The following IGSF10 variants were observed in gnomAD, a reference collection of about 807,000 sequenced individuals.
IGSF10 encodes the protein calvaria mechanical force protein 608.
Under a neutral mutation model 128.2 loss-of-function variants are expected in IGSF10, and 126 were observed. The ratio of observed to expected loss-of-function variants is 0.98; its 90% confidence interval spans 0.85 to 1.14. The LOEUF is 1.14. IGSF10 is among the 50% of genes most tolerant of loss of function. The pLI, the probability that IGSF10 is intolerant of heterozygous loss-of-function variation, is 0.00. For missense variants in IGSF10, 3,295 were observed against 3,149.8 expected (o/e 1.05, Z -1.10); for synonymous variants, 1,185 against 1,146.2 (o/e 1.03, Z -0.68).
At position 151,438,357 on chromosome 3, in the gene IGSF10, T is replaced by A; in HGVS notation, c.6204A>T (p.Pro2068=). ...VDCKASGSPV[P]EISWSLPDGT... The stretch of plus-strand genomic sequence containing the variant: ...CATCAGGCAAACTCCAAGATATCTC[T>A]GGCACTGGGGAGCCGGAAGCTTTGC... Residue 2068 remains proline, a synonymous_variant, in exon 8 of 8, where the codon CCA becomes CCT. Coordinates refer to ENST00000282466, the MANE Select transcript of IGSF10 (RefSeq NM_178822.5). 6.2e-7 allele frequency: 1 copy of A among 1,614,238 alleles called. No individual in the cohort carries two copies. Among genetic ancestry groups the A allele is most frequent in the Non-Finnish European group, 8.5e-7 (1 of 1,180,040 alleles).
chr3:151,525,824 A>T, the IGSF10 span, among the ~76,000 whole-genome samples: 1,936 of 152,286 alleles, frequency 0.013, 14 homozygotes, highest in South Asian at 0.03. Context: ...CCTTCCGATT[A>T]ACTCGAAGTA....
chr3:151,444,874 T>G, intron 6 of IGSF10, 45 bp downstream of exon 6: 1 of 1,505,046 alleles, frequency 6.6e-7, no homozygotes, highest in Non-Finnish European at 8.9e-7. Flanking sequence ...AATCTTCTTC[T>G]TGTTTTCTAA....
chr3:151,511,832 G>C, the IGSF10 span, among the ~76,000 whole-genome samples: 1 of 152,172 alleles, frequency 6.6e-6, no homozygotes. Flanking sequence ...GGATAAAACA[G>C]ACTTTAAGCC....
the IGSF10 span, among the ~76,000 whole-genome samples, chr3:151,474,380 G>C: frequency 6.6e-6 from 1 of 152,116 alleles, no homozygotes; most frequent in Non-Finnish European, 1.5e-5. Flanking sequence ...ACTGACAGTT[G>C]GTTTGCACAT....
intron 2 of IGSF10, among the ~76,000 whole-genome samples, chr3:151,459,934 TG>T (rs1388670597): frequency 1.3e-5 from 2 of 152,170 alleles, no homozygotes; most frequent in Non-Finnish European, 2.9e-5. Flanking sequence ...AAAAAGATGA[TG>T]GATGTATTAT....
At chr3:151,556,482 T>G in the IGSF10 span, among the ~76,000 whole-genome samples, 1 of 151,782 alleles carries the variant, frequency 6.6e-6, no homozygotes, top group Non-Finnish European at 1.5e-5. Context: ...ATTGAAGTCA[T>G]GCAAAAAATG....
chr3:151,449,264 A>C lies in IGSF10; in HGVS notation c.717T>G (p.Asp239Glu). The change falls in exon 6 of 8, where the codon GAT becomes GAG. Residue 239 changes from aspartate (D) to glutamate (E), a missense_variant and splice_region_variant. Asp to Glu is a conservative substitution (Grantham distance 45). Coordinates refer to ENST00000282466, the MANE Select transcript of IGSF10 (RefSeq NM_178822.5). Reference protein sequence around the residue: ...WLSDWIQEKPDVIKCKKDRSP... With the variant: ...WLSDWIQEKPEVIKCKKDRSP... ...TTCTATCTTTTTTGCATTTTATTAC[A>C]TCTGGAAAAAAATCACAATTGAATT... 1 of 1,563,202 alleles carries C rather than the reference A, an allele frequency of 6.4e-7. No homozygotes were observed. Among genetic ancestry groups the C allele is most frequent in the Non-Finnish European group, 8.6e-7 (1 of 1,156,832 alleles).
At chr3:151,525,323 C>T in the IGSF10 span, among the ~76,000 whole-genome samples, 1 of 152,026 alleles carries the variant, frequency 6.6e-6, no homozygotes, top group South Asian at 2.1e-4. Flanking sequence ...ATTTTAATTC[C>T]AGTTTAGTTG....
chr3:151,446,708 T>G lies in IGSF10; in HGVS notation c.3273A>C (p.Lys1091Asn). The G allele has an allele frequency of 6.2e-7, 1 of 1,614,158 alleles. No homozygotes were observed. The highest frequency in any genetic ancestry group is 1.1e-5 in the South Asian group (1 of 91,086). Residue 1091 changes from lysine (K) to asparagine (N), a missense_variant, in exon 6 of 8, where the codon AAA becomes AAC. Physicochemically the swap from Lys to Asn is moderately conservative, Grantham distance 94. Coordinates refer to ENST00000282466, the MANE Select transcript of IGSF10 (RefSeq NM_178822.5). ...FPSAAPITFP[K>N]ADIARVPSEE... is the part of the protein sequence containing the mutation. ...CTGATGGGACTCTAGCAATGTCAGC[T>G]TTGGGGAAGGTGATGGGAGCAGCAC...
the IGSF10 span, among the ~76,000 whole-genome samples, chr3:151,575,715 C>T: frequency 6.6e-6 from 1 of 152,096 alleles, no homozygotes; most frequent in African/African-American, 2.4e-5. Context: ...TTCGGCTCAC[C>T]CTCTGTGGGC....
At chr3:151,508,522 C>A in the IGSF10 span, among the ~76,000 whole-genome samples, 1 of 152,068 alleles carries the variant, frequency 6.6e-6, no homozygotes, top group Non-Finnish European at 1.5e-5. Context: ...GAAACTGAGT[C>A]TCCTTTATCA....
the IGSF10 span, among the ~76,000 whole-genome samples, chr3:151,603,930 T>C: frequency 6.6e-6 from 1 of 152,214 alleles, no homozygotes; most frequent in Non-Finnish European, 1.5e-5. Flanking sequence ...CTGTCCTTTT[T>C]TCCTGGCCTG....
the IGSF10 span, among the ~76,000 whole-genome samples, chr3:151,545,710 A>T: frequency 6.6e-6 from 1 of 152,210 alleles, no homozygotes; most frequent in Admixed American, 6.5e-5. Flanking sequence ...ATTTATTGGC[A>T]TTCCTCATCT....
the IGSF10 span, among the ~76,000 whole-genome samples, chr3:151,534,819 G>GTA: frequency 1.3e-5 from 2 of 151,744 alleles, no homozygotes; most frequent in Non-Finnish European, 2.9e-5. Context: ...GTGTGTGTGT[G>GTA]TGTGTGTGTG....
At chr3:151,523,535 T>C in the IGSF10 span, among the ~76,000 whole-genome samples, 1 of 152,170 alleles carries the variant, frequency 6.6e-6, no homozygotes, top group Non-Finnish European at 1.5e-5. Flanking sequence ...CCATTTGATC[T>C]TCGACAAAGC....
the IGSF10 span, among the ~76,000 whole-genome samples, chr3:151,531,789 C>CA: frequency 2.0e-5 from 3 of 151,980 alleles, no homozygotes; most frequent in Non-Finnish European, 4.4e-5. Context: ...CAAGCAAGAC[C>CA]AAACAAATTC....
In IGSF10 at chr3:151,445,126, T is replaced by C. The variant is rs1293193466; in HGVS notation, c.4855A>G (p.Ser1619Gly). 1 of 1,614,150 alleles carries C rather than the reference T, an allele frequency of 6.2e-7. No individual in the cohort carries two copies. Among genetic ancestry groups the C allele is most frequent in the Admixed American group, 1.7e-5 (1 of 60,010 alleles). The part of the protein sequence containing the change: ...DWDGQKNTKK[S>G]DFDKKPVQEA... ...TGAACTGGTTTCTTATCAAAGTCAC[T>C]CTTCTTTGTGTTCTTCTGTCCATCC... The change falls in exon 6 of 8, where the codon AGT (serine) becomes GGT (glycine). Residue 1619 changes from serine (S) to glycine (G), a missense_variant. Coordinates refer to ENST00000282466, the MANE Select transcript of IGSF10 (RefSeq NM_178822.5).
the IGSF10 span, among the ~76,000 whole-genome samples, chr3:151,530,785 G>A: frequency 6.6e-6 from 1 of 152,110 alleles, no homozygotes. Flanking sequence ...GACCATCGAT[G>A]CTATGAAGAA....
the IGSF10 span, among the ~76,000 whole-genome samples, chr3:151,499,124 GA>G: frequency 6.6e-6 from 1 of 152,096 alleles, no homozygotes; most frequent in Non-Finnish European, 1.5e-5. Flanking sequence ...TCAAATGAGA[GA>G]AAGCATACAA....
Sources: gnomAD v4.1 joint callset for allele counts (sites outside exome capture counted in the v4.1 genomes callset) on GRCh38, gnomAD v4.1.1 for gene constraint, MANE v1.5 for transcripts, NCBI Gene and HGNC (gene_info 2026-07-23, HGNC 2026-07-21) for gene names.